GPHN: variants seen among roughly 807,000 people sequenced by gnomAD.
The protein encoded by GPHN is gephyrin.
GPHN carries 17 observed loss-of-function variants against 95.5 expected under a neutral mutation model. The ratio of observed to expected loss-of-function variants is 0.18; its 90% CI spans 0.12 to 0.27. The LOEUF is 0.27. Ranked by LOEUF, GPHN falls within the 10% of genes least tolerant of loss-of-function variation. The pLI is 1.00. For synonymous variants in GPHN, 320 were observed against 322.5 expected, an observed-to-expected ratio of 0.99 and a Z score of 0.08; for missense variants, 660 against 978.1, an observed-to-expected ratio of 0.67 and a Z score of 4.34.
At chr14:67,535,682 G>C in the GPHN span, among the ~76,000 whole-genome samples, 2 of 152,002 alleles carry the variant, frequency 1.3e-5, no homozygotes, top group Non-Finnish European at 2.9e-5. Flanking sequence ...GCCCAGCCTC[G>C]TGAGCACATC....
intron 9 of GPHN, among the ~76,000 whole-genome samples, chr14:67,020,138 T>A (rs1291447476): frequency 6.6e-6 from 1 of 152,204 alleles, no homozygotes; most frequent in Admixed American, 6.5e-5. Context: ...CATCTCTCTC[T>A]TTTTGGTGTG....
intron 20 of GPHN, among the ~76,000 whole-genome samples, 178 bp from the exon 21 acceptor site, chr14:67,168,755 C>T (rs2140053816): frequency 6.6e-6 from 1 of 152,228 alleles, no homozygotes; most frequent in South Asian, 2.1e-4. Flanking sequence ...TGTTTACACC[C>T]CCTGTGGCAT....
intron 13 of GPHN, among the ~76,000 whole-genome samples, chr14:67,107,379 T>TTCACTC (rs1421313931): frequency 6.6e-6 from 1 of 152,126 alleles, no homozygotes; most frequent in Non-Finnish European, 1.5e-5. Context: ...GGGGTTCAGG[T>TTCACTC]TCACTCTCTG....
chr14:66,685,143 C>G (rs1461589670), intron 2 of GPHN, among the ~76,000 whole-genome samples: 1 of 152,178 alleles, frequency 6.6e-6, no homozygotes, highest in African/African-American at 2.4e-5. Flanking sequence ...TTAATCCAGT[C>G]TATCATTGAT....
intron 1 of GPHN, among the ~76,000 whole-genome samples, chr14:66,578,260 C>T (rs2060988207): frequency 6.6e-6 from 1 of 151,216 alleles, no homozygotes; most frequent in African/African-American, 2.4e-5. Context: ...TTAGAAATTA[C>T]CCAGTCAGAA....
chr14:66,718,081 C>T (rs1156922729), intron 2 of GPHN, among the ~76,000 whole-genome samples: 1 of 152,048 alleles, frequency 6.6e-6, no homozygotes, highest in Non-Finnish European at 1.5e-5. Flanking sequence ...AGTGTACACC[C>T]TTTGTGTTCA....
At chr14:67,213,140 A>AT in the GPHN span, among the ~76,000 whole-genome samples, 10 of 148,772 alleles carry the variant, frequency 6.7e-5, no homozygotes, top group East Asian at 2.0e-4. Context: ...TGCATGTAGA[A>AT]TTTTTTTTTA....
At chr14:67,040,295 A>G (rs1389646641) in intron 10 of GPHN, among the ~76,000 whole-genome samples, 1 of 152,146 alleles carries the variant, frequency 6.6e-6, no homozygotes, top group Non-Finnish European at 1.5e-5. Context: ...TTCTCTCTAT[A>G]AATTAATATA....
At chr14:67,496,390 C>CTTT in the GPHN span, among the ~76,000 whole-genome samples, 1 of 27,632 alleles carries the variant, frequency 3.6e-5, no homozygotes, top group Non-Finnish European at 8.5e-5. Flanking sequence ...ACTGCTCCGG[C>CTTT]GTTTTTTTTT....
chr14:67,338,621 T>C, the GPHN span: 1 of 1,613,528 alleles, frequency 6.2e-7, no homozygotes, highest in Non-Finnish European at 8.5e-7. Flanking sequence ...ACAGGAAAGA[T>C]TATTCAAATA....
chr14:66,824,406 A>T, intron 3 of GPHN, 68 bp from the exon 4 acceptor site: 2 of 777,426 alleles, frequency 2.6e-6, no homozygotes, highest in South Asian at 1.4e-5. Flanking sequence ...AAAGTGTCCT[A>T]GGACTGGGAT....
chr14:66,581,856 A>G (rs2061189810), intron 1 of GPHN, among the ~76,000 whole-genome samples: 1 of 152,046 alleles, frequency 6.6e-6, no homozygotes, highest in Admixed American at 6.6e-5. Flanking sequence ...AATTGTAAAT[A>G]TATCTGCACC....
At chr14:66,595,515 G>A (rs1482598900) in intron 1 of GPHN, among the ~76,000 whole-genome samples, 1 of 152,184 alleles carries the variant, frequency 6.6e-6, no homozygotes, top group East Asian at 1.9e-4. Flanking sequence ...CAGGTACGGA[G>A]TGGTGAGGGG....
At chr14:67,072,511 C>T (rs2076350322) in intron 11 of GPHN, among the ~76,000 whole-genome samples, 1 of 151,914 alleles carries the variant, frequency 6.6e-6, no homozygotes, top group Non-Finnish European at 1.5e-5. Context: ...ATTAGCTCAT[C>T]CCAAGCAGCA....
the GPHN span, among the ~76,000 whole-genome samples, chr14:67,596,741 T>C: frequency 1.3e-5 from 2 of 152,150 alleles, no homozygotes; most frequent in African/African-American, 4.8e-5. Context: ...TCAGCAAGAA[T>C]CCTGTCAAGT....
At chr14:67,678,521 C>G in the GPHN span, 3 of 705,804 alleles carry the variant, frequency 4.3e-6, no homozygotes, top group Non-Finnish European at 7.4e-6. Context: ...CTAGGGATCA[C>G]ATGTTCTCCA....
chr14:67,385,247 A>C, the GPHN span: 2 of 152,206 alleles, frequency 1.3e-5, no homozygotes, highest in African/African-American at 2.4e-5. Flanking sequence ...GTATACACCC[A>C]GTTCTGAATA....
intron 1 of GPHN, among the ~76,000 whole-genome samples, chr14:66,623,854 C>A (rs1482243413): frequency 6.6e-6 from 1 of 152,054 alleles, no homozygotes; most frequent in East Asian, 1.9e-4. Context: ...GAAAGCTGAA[C>A]CCAGGGCTTG....
At chr14:67,401,683 A>G in the GPHN span, among the ~76,000 whole-genome samples, 1 of 152,232 alleles carries the variant, frequency 6.6e-6, no homozygotes, top group African/African-American at 2.4e-5. Context: ...TCTATCATGC[A>G]GAACCATGAG....
Sources: allele counts gnomAD v4.1 joint callset (sites outside exome capture counted in the v4.1 genomes callset), GRCh38; gene constraint gnomAD v4.1.1; transcripts MANE v1.5; gene names NCBI Gene and HGNC (gene_info 2026-07-23, HGNC 2026-07-21).